The following MCF2 variants were observed in gnomAD, a reference collection of about 807,000 sequenced individuals.
MCF2 encodes the protein MCF.2 cell line derived transforming sequence, also known as proto-oncogene DBL.
Under a neutral mutation model 82.5 loss-of-function variants are expected in MCF2, and 44 were observed. That is an observed-to-expected ratio of 0.53 (90% CI 0.42 to 0.69). The LOEUF (loss-of-function observed/expected upper bound fraction) is 0.69, where lower values mean the gene tolerates loss of function less well. Among genes scored for constraint, MCF2 ranks in the 30% least tolerant of loss-of-function variants. MCF2 has a pLI of 0.00. For synonymous variants in MCF2, 217 were observed against 224.9 expected (o/e 0.96, Z 0.32); for missense variants, 623 against 663.1 (o/e 0.94, Z 0.66).
intron 1 of MCF2, among the ~76,000 whole-genome samples, chrX:139,670,937 A>G (rs113888672): frequency 8.9e-6 from 1 of 111,752 alleles, no homozygotes; most frequent in Non-Finnish European, 1.9e-5. Context: ...CAACAGTGTA[A>G]AAGTGTTCCT....
chrX:139,704,511 A>C, intron 1 of MCF2, among the ~76,000 whole-genome samples: 1 of 111,830 alleles, frequency 8.9e-6, no homozygotes, highest in East Asian at 2.8e-4. Flanking sequence ...GAAATCAAGA[A>C]CACAGTCCCC....
chrX:139,701,819 C>A, intron 1 of MCF2, among the ~76,000 whole-genome samples: 1 of 112,464 alleles, frequency 8.9e-6, no homozygotes, highest in East Asian at 2.8e-4. Flanking sequence ...TTTACTAGTT[C>A]TTGTTTCTCG....
At chrX:139,685,336 G>A (rs1254762841) in intron 1 of MCF2, among the ~76,000 whole-genome samples, 2 of 110,753 alleles carry the variant, frequency 1.8e-5, no homozygotes, top group African/African-American at 6.6e-5. Context: ...AAATCCACAA[G>A]CAGACAGCCC....
chrX:139,597,679 C>A, intron 17 of MCF2, 94 bp from the exon 22 acceptor site: 2 of 682,600 alleles, frequency 2.9e-6, no homozygotes, highest in Non-Finnish European at 4.3e-6. Flanking sequence ...AGCTGGAATC[C>A]AAATATAATG....
At chrX:139,589,473 A>G (rs1374883725) in intron 20 of MCF2, among the ~76,000 whole-genome samples, 1 of 111,351 alleles carries the variant, frequency 9.0e-6, no homozygotes, top group African/African-American at 3.3e-5. Context: ...TCACATCCCC[A>G]TGTCTCATAA....
chrX:139,622,648 G>A (rs188523689), intron 6 of MCF2, among the ~76,000 whole-genome samples: 3 of 108,307 alleles, frequency 2.8e-5, no homozygotes, highest in African/African-American at 1.0e-4. Context: ...ACCAAACACC[G>A]CATGTTCTCA....
chrX:139,638,715 A>G (rs1241265182), intron 1 of MCF2, among the ~76,000 whole-genome samples: 3 of 111,895 alleles, frequency 2.7e-5, no homozygotes, highest in Non-Finnish European at 5.6e-5. Context: ...AACAAAACGC[A>G]TCTGTGCACT....
At chrX:139,587,880 C>G in intron 21 of MCF2, 92 bp from the exon 26 acceptor site, 1 of 505,420 alleles carries the variant, frequency 2.0e-6, no homozygotes, top group Non-Finnish European at 3.4e-6. Context: ...CACACACACA[C>G]ACACACACAC....
intron 1 of MCF2, among the ~76,000 whole-genome samples, chrX:139,683,835 G>A (rs1935059990): frequency 1.8e-5 from 2 of 111,630 alleles, no homozygotes; most frequent in Admixed American, 9.5e-5. Flanking sequence ...AACTCAAAAT[G>A]GATCAAAGAT....
At chrX:139,632,062 T>C (rs901751857) in intron 2 of MCF2, among the ~76,000 whole-genome samples, 1 of 111,267 alleles carries the variant, frequency 9.0e-6, no homozygotes, top group Non-Finnish European at 1.9e-5. Context: ...CACATACATA[T>C]ACACACATGC....
chrX:139,604,656 A>G lies in MCF2; in HGVS notation c.1743+25T>C, dbSNP rs767556086. 119 of 1,017,628 alleles carry G rather than the reference A, an allele frequency of 1.2e-4. 1 individual carries two copies. The South Asian group carries it at 2.7e-3, about 23-fold the overall frequency. 83.9% of individuals were successfully genotyped at this position (1,017,628 alleles called of 1,213,427 possible). A position where few individuals can be genotyped will look rare whatever the true frequency, so the allele number is the denominator to read the frequency against. On this transcript the variant is annotated intron_variant, in intron 15 of 24. Transcript: ENST00000370576. ...CTATTTTGGTGGTGCATATTTATAT[A>G]TATTTAAAAAATAATTTAACTAACC...
intron 1 of MCF2, among the ~76,000 whole-genome samples, chrX:139,665,577 A>G (rs952878310): frequency 6.3e-5 from 7 of 110,940 alleles, no homozygotes; most frequent in African/African-American, 2.3e-4. Context: ...TTGGCAATTC[A>G]AACTGTCTTT....
At chrX:139,629,844 C>A in exon 4 of MCF2, 1 of 1,202,889 alleles carries the variant, frequency 8.3e-7, no homozygotes, top group Non-Finnish European at 1.1e-6. Context: ...TTTTCTATAG[C>A]CTGCAAAGAG....
chrX:139,623,495 T>A (rs774177909), intron 6 of MCF2, among the ~76,000 whole-genome samples: 2 of 111,723 alleles, frequency 1.8e-5, no homozygotes, highest in Non-Finnish European at 3.8e-5. Flanking sequence ...AAACACAGTA[T>A]GTTGTCACTT....
chrX:139,701,035 C>A (rs1366509493), intron 1 of MCF2, among the ~76,000 whole-genome samples: 1 of 111,810 alleles, frequency 8.9e-6, no homozygotes, highest in Admixed American at 9.5e-5. Flanking sequence ...CGAAGGACAG[C>A]ACCCACACAT....
intron 1 of MCF2, among the ~76,000 whole-genome samples, chrX:139,633,657 T>G (rs1217995685): frequency 2.7e-5 from 3 of 110,487 alleles, no homozygotes; most frequent in African/African-American, 6.6e-5. Context: ...GATCATGGGT[T>G]TTTTTTTCCT....
chrX:139,600,525 C>T (rs1419481892), intron 16 of MCF2, among the ~76,000 whole-genome samples: 1 of 111,151 alleles, frequency 9.0e-6, no homozygotes, highest in African/African-American at 3.3e-5. Flanking sequence ...TTCAAGTACT[C>T]TCCATGTTAT....
Position 139,605,796 on chromosome X carries a change from A to G in MCF2, c.1491-17T>C, listed in dbSNP as rs767779507. The G allele has an allele frequency of 3.6e-6, 4 of 1,122,632 alleles. No individual in the cohort carries two copies. The South Asian group carries it at 8.0e-5, about 23-fold the overall frequency. 92.5% of individuals were successfully genotyped at this position (1,122,632 alleles called of 1,213,427 possible). A position where few individuals can be genotyped will look rare whatever the true frequency, so the allele number is the denominator to read the frequency against. ...AGTACGTGGCTAAAATGAAAAGACC[A>G]TATTTATCAGTTATTTTATTACTGA... On this transcript the variant is annotated splice_polypyrimidine_tract_variant and intron_variant, in intron 12 of 24. Transcript: ENST00000370576.
chrX:139,659,176 T>C (rs1381070203), intron 1 of MCF2, among the ~76,000 whole-genome samples: 1 of 110,513 alleles, frequency 9.0e-6, no homozygotes, highest in African/African-American at 3.3e-5. Context: ...TAGTCCCAGC[T>C]ACTCGGGAGG....
Sources: allele counts gnomAD v4.1 joint callset (sites outside exome capture counted in the v4.1 genomes callset), GRCh38; gene constraint gnomAD v4.1.1; transcripts MANE v1.5; gene names NCBI Gene and HGNC (gene_info 2026-07-23, HGNC 2026-07-21).